The following ARHGAP29 variants were observed in gnomAD, a reference collection of about 807,000 sequenced individuals.
The protein encoded by ARHGAP29 is Rho GTPase activating protein 29, also known as rho GTPase-activating protein 29.
A neutral mutation model predicts 122.6 loss-of-function variants in ARHGAP29; 43 were observed. That is an observed-to-expected ratio of 0.35 (90% CI 0.27 to 0.45). ARHGAP29 has a LOEUF of 0.45. ARHGAP29 is among the 20% of genes least tolerant of loss of function. The probability of loss-of-function intolerance (pLI) is 1.00; values close to 1 mark genes in which losing one functional copy is unlikely to be tolerated. For synonymous variants in ARHGAP29, 506 were observed against 497.1 expected (o/e 1.02, Z -0.24); for missense variants, 1,303 against 1,477.2 (o/e 0.88, Z 1.93).
intron 1 of ARHGAP29, among the ~76,000 whole-genome samples, chr1:94,245,364 A>C (rs1251578079): frequency 6.6e-6 from 1 of 152,236 alleles, no homozygotes; most frequent in African/African-American, 2.4e-5. Flanking sequence ...AAACTGTGGT[A>C]CAGCCTTACG....
rs571269756 is a variant in ARHGAP29 at position 94,188,830 on chromosome 1, G to A, written c.1681+7C>T. Reference sequence around the variant, plus strand: ...GTTTTCATTGCCAGACTTAAATATAGATGTACCTGGACTTATAGATTCTGA... The same window carrying A: ...GTTTTCATTGCCAGACTTAAATATAAATGTACCTGGACTTATAGATTCTGA... On this transcript the variant is annotated splice_region_variant and intron_variant, in intron 15 of 22. Transcript: ENST00000260526. The A allele has an allele frequency of 6.2e-7, 1 of 1,603,616 alleles. No individual in the cohort carries two copies. The highest frequency in any genetic ancestry group is 1.1e-5 in the South Asian group (1 of 89,812).
rs1244948919 is a variant in ARHGAP29 at position 94,202,931 on chromosome 1, T to C, written c.941A>G (p.Glu314Gly). The C allele has an allele frequency of 6.2e-7, 1 of 1,605,022 alleles. No homozygotes were observed. Among genetic ancestry groups the C allele is most frequent in the Non-Finnish European group, 8.5e-7 (1 of 1,177,782 alleles). The change falls in exon 10 of 23, where the codon GAG becomes GGG. Residue 314 changes from glutamate to glycine, a missense_variant. This residue lies in a region of ARHGAP29 where 592 missense variants were observed against 648.2 expected (regional missense o/e 0.91). Coordinates refer to ENST00000260526, the MANE Select transcript of ARHGAP29 (RefSeq NM_004815.4). ...RKEIKELWKQ[E>G]QNKMLEAENA... ...TTTAATACTAACCATTTTATTTTGC[T>C]CCTGTTTCCAAAGCTCTTTTATTTC...
rs1187150388 is a variant in ARHGAP29 at position 94,208,858 on chromosome 1, G to A, written c.484C>T (p.Arg162Ter). ...MGDVGNDSLLRLPVSRETKSF... is the reference protein window; with the variant it reads ...MGDVGNDSLL ...TTAGTTTCTCGAGAAACAGGCAGTC[G>A]CAATAATGAATCATTGCCTACATCT... Residue 162 changes from arginine to a stop codon, truncating the protein, a stop_gained, in exon 5 of 23, where the codon CGA becomes TGA. Coordinates refer to ENST00000260526, the MANE Select transcript of ARHGAP29 (RefSeq NM_004815.4). LOFTEE classifies it high-confidence loss of function. The A allele has an allele frequency of 6.2e-7, 1 of 1,613,712 alleles. No individual in the cohort carries two copies. The highest frequency in any genetic ancestry group is 8.5e-7 in the Non-Finnish European group (1 of 1,179,838).
intron 12 of ARHGAP29, among the ~76,000 whole-genome samples, chr1:94,196,246 CCG>C (rs1491072741): frequency 1.7e-5 from 2 of 118,328 alleles, no homozygotes; most frequent in Non-Finnish European, 3.5e-5. Flanking sequence ...TTCGATTTTT[CCG>C]TGTTTTTCTT....
chr1:94,242,080 G>A (rs1413940815), upstream of ARHGAP29, among the ~76,000 whole-genome samples: 4 of 152,096 alleles, frequency 2.6e-5, no homozygotes, highest in Non-Finnish European at 5.9e-5. Flanking sequence ...CCAGAAATTT[G>A]CATAGGGAAT....
the ARHGAP29 span, among the ~76,000 whole-genome samples, chr1:94,285,031 A>G: frequency 6.6e-6 from 1 of 152,228 alleles, no homozygotes; most frequent in East Asian, 1.9e-4. Flanking sequence ...TGTCAACTGT[A>G]CTTATTTCTT....
At position 94,172,612 on chromosome 1, in the gene ARHGAP29, G is replaced by GAGATATAT. The variant is rs145016128; in HGVS notation, c.*1256_*1257insATATATCT. The GAGATATAT allele has an allele frequency of 3.4e-5, 5 of 145,060 alleles. No individual in the cohort carries two copies. The highest frequency in any genetic ancestry group is 7.5e-5 in the Non-Finnish European group (5 of 66,296). The allele number at this position is 145,060 out of a possible 1,614,324, so 9.0% of individuals were successfully genotyped here. A position where few individuals can be genotyped will look rare whatever the true frequency, so the allele number is the denominator to read the frequency against. On this transcript the variant is annotated 3_prime_UTR_variant, in exon 23 of 23. Transcript: ENST00000260526. Reference sequence around the variant, plus strand: ...GGAACATGAAATAATTTAACAAGTTGATATATATATATATATATATTATCA... The same window carrying GAGATATAT: ...GGAACATGAAATAATTTAACAAGTTGAGATATATATATATATATATATATATATTATCA...
the ARHGAP29 span, among the ~76,000 whole-genome samples, chr1:94,287,864 G>A: frequency 2.6e-5 from 4 of 152,116 alleles, no homozygotes; most frequent in Non-Finnish European, 5.9e-5. Flanking sequence ...AGTATTCCAT[G>A]GTGTATATTT....
At chr1:94,239,072 C>G (rs963446515), upstream of ARHGAP29, among the ~76,000 whole-genome samples, 1 of 152,116 alleles carries the variant, frequency 6.6e-6, no homozygotes, top group African/African-American at 2.4e-5. Context: ...GTAACAAGGT[C>G]CTGCCACAAA....
At position 94,211,573 on chromosome 1, in the gene ARHGAP29, TA is replaced by T. The variant is rs200963648; in HGVS notation, c.341-2224del. 8.6e-3 allele frequency among the ~76,000 whole-genome samples: 1,311 copies of T among 152,212 alleles called. 4 individuals are homozygous for T. Among genetic ancestry groups the T allele is most frequent in the Non-Finnish European group, 0.014 (954 of 68,010 alleles). On this transcript the variant is annotated intron_variant, in intron 3 of 22. Transcript: ENST00000260526. ...ATGTTCTTTTCAAATGCACACTGAA[TA>T]TCGTTACCAAGATAGACTATATTAT...
intron 1 of ARHGAP29, among the ~76,000 whole-genome samples, chr1:94,236,809 C>A (rs1570588014): frequency 6.6e-6 from 1 of 152,182 alleles, no homozygotes; most frequent in South Asian, 2.1e-4. Context: ...AAATGCACCA[C>A]GGAAATCCTA....
chr1:94,238,492 C>A (rs1653442605), upstream of ARHGAP29, among the ~76,000 whole-genome samples: 2 of 152,118 alleles, frequency 1.3e-5, no homozygotes, highest in African/African-American at 2.4e-5. Context: ...TCACACCACT[C>A]GCTGGAACAA....
At chr1:94,211,304 A>ACAAAAAC (rs1557864693) in intron 3 of ARHGAP29, among the ~76,000 whole-genome samples, 6 of 139,948 alleles carry the variant, frequency 4.3e-5, no homozygotes, top group East Asian at 2.2e-4. Flanking sequence ...AAAAAAAAAA[A>ACAAAAAC]AAAAAAAAAG....
intron 1 of ARHGAP29, among the ~76,000 whole-genome samples, chr1:94,236,850 G>A (rs749529567): frequency 5.2e-4 from 79 of 152,144 alleles, no homozygotes; most frequent in Non-Finnish European, 9.8e-4. Flanking sequence ...CCCAACTGGA[G>A]TGAGGGCTGC....
At chr1:94,206,334 A>C (rs1651183800) in intron 5 of ARHGAP29, among the ~76,000 whole-genome samples, 2 of 152,142 alleles carry the variant, frequency 1.3e-5, no homozygotes, top group African/African-American at 2.4e-5. Context: ...TCATTTACCA[A>C]AATTTTGAGA....
chr1:94,310,088 C>T, the ARHGAP29 span, among the ~76,000 whole-genome samples: 1 of 152,144 alleles, frequency 6.6e-6, no homozygotes, highest in Admixed American at 6.5e-5. Context: ...GTTCAAATGA[C>T]CCACAGATAA....
chr1:94,249,129 C>T (rs1653977520), intron 1 of ARHGAP29, among the ~76,000 whole-genome samples: 1 of 152,224 alleles, frequency 6.6e-6, no homozygotes, highest in Admixed American at 6.5e-5. Context: ...GCAATATCTC[C>T]ACCAAATCCT....
At chr1:94,204,353 C>T (rs554977965) in intron 7 of ARHGAP29, among the ~76,000 whole-genome samples, 1 of 152,204 alleles carries the variant, frequency 6.6e-6, no homozygotes, top group South Asian at 2.1e-4. Flanking sequence ...CTGGGAAACT[C>T]TTTCAGAATA....
intron 3 of ARHGAP29, among the ~76,000 whole-genome samples, chr1:94,214,323 TA>T (rs1405100062): frequency 6.6e-6 from 1 of 152,210 alleles, no homozygotes; most frequent in African/African-American, 2.4e-5. Flanking sequence ...ACTTAGCCTC[TA>T]TAGCTCTCAT....
Sources: gnomAD v4.1 joint callset for allele counts (sites outside exome capture counted in the v4.1 genomes callset) on GRCh38, gnomAD v4.1.1 for gene constraint, gnomAD v4.1.1 regional missense constraint, MANE v1.5 for transcripts, NCBI Gene and HGNC (gene_info 2026-07-23, HGNC 2026-07-21) for gene names.